TIMD4: variants seen among roughly 807,000 people sequenced by gnomAD.
TIMD4 encodes T cell immunoglobulin and mucin domain containing 4.
Under a neutral mutation model 41.2 loss-of-function variants are expected in TIMD4, and 31 were observed. That is an observed-to-expected ratio of 0.75 (90% confidence interval 0.57 to 1.01). The LOEUF (loss-of-function observed/expected upper bound fraction) is 1.01. Among genes scored for constraint, TIMD4 ranks in the 50% least tolerant of loss-of-function variants. The pLI is 0.00. For missense variants in TIMD4, 479 were observed against 472.5 expected, an observed-to-expected ratio of 1.01 and a Z score of -0.13; for synonymous variants, 204 against 177.1, an observed-to-expected ratio of 1.15 and a Z score of -1.21.
At chr5:156,938,059 A>G (rs1581619138) in intron 5 of TIMD4, among the ~76,000 whole-genome samples, 1 of 152,180 alleles carries the variant, frequency 6.6e-6, no homozygotes, top group East Asian at 1.9e-4. Flanking sequence ...CAACTTTTCC[A>G]TGCCCTTGAT....
chr5:156,925,422 A>C (rs1316824658), intron 6 of TIMD4, among the ~76,000 whole-genome samples: 7 of 152,218 alleles, frequency 4.6e-5, no homozygotes, highest in Non-Finnish European at 7.3e-5. Flanking sequence ...CCATTCTGTA[A>C]CACACAGAAT....
chr5:156,921,451 T>C (rs1202215176), intron 7 of TIMD4, among the ~76,000 whole-genome samples: 3 of 151,264 alleles, frequency 2.0e-5, no homozygotes, highest in Admixed American at 6.6e-5. Flanking sequence ...TGAAACCCCC[T>C]CCTACTAAAC....
At chr5:156,933,393 G>A (rs1759478773) in intron 5 of TIMD4, among the ~76,000 whole-genome samples, 1 of 152,040 alleles carries the variant, frequency 6.6e-6, no homozygotes, top group African/African-American at 2.4e-5. Context: ...ATTCTAGGCT[G>A]CAGTGAGCTA....
At chr5:156,950,098 A>G (rs1759826064) in intron 3 of TIMD4, among the ~76,000 whole-genome samples, 1 of 148,654 alleles carries the variant, frequency 6.7e-6, no homozygotes, top group African/African-American at 2.5e-5. Context: ...GGTTACAGGC[A>G]TGAGCCACCA....
intron 4 of TIMD4, among the ~76,000 whole-genome samples, chr5:156,948,892 T>A (rs1475935310): frequency 6.6e-6 from 1 of 152,236 alleles, no homozygotes; most frequent in African/African-American, 2.4e-5. Context: ...CTTACAGATG[T>A]CTGTTTTCCC....
intron 5 of TIMD4, among the ~76,000 whole-genome samples, chr5:156,945,508 CA>C (rs1316565653): frequency 6.6e-6 from 1 of 152,028 alleles, no homozygotes. Context: ...AAAATTAATG[CA>C]AAAACGCTGA....
intron 5 of TIMD4, among the ~76,000 whole-genome samples, chr5:156,933,219 G>C (rs1759475243): frequency 6.6e-6 from 1 of 151,904 alleles, no homozygotes; most frequent in South Asian, 2.1e-4. Context: ...TTGTTATGAG[G>C]AAAATTAAAA....
intron 6 of TIMD4, among the ~76,000 whole-genome samples, chr5:156,925,273 G>A (rs373194955): frequency 9.2e-5 from 14 of 152,348 alleles, no homozygotes; most frequent in African/African-American, 3.4e-4. Flanking sequence ...TTGCACCACT[G>A]CACTCCAGCC....
At chr5:156,943,657 G>T (rs1176321705) in intron 5 of TIMD4, among the ~76,000 whole-genome samples, 2 of 152,162 alleles carry the variant, frequency 1.3e-5, no homozygotes, top group African/African-American at 4.8e-5. Context: ...TAGTTATGTA[G>T]CTTTTTATGC....
chr5:156,930,975 G>A (rs749760807), intron 5 of TIMD4, among the ~76,000 whole-genome samples: 4 of 152,096 alleles, frequency 2.6e-5, no homozygotes, highest in Non-Finnish European at 5.9e-5. Flanking sequence ...TTATCTGGTG[G>A]GTCTCATGTA....
chr5:156,919,569 T>C (rs2113333151), intron 8 of TIMD4, 28 bp from the exon 9 acceptor site: 1 of 1,584,808 alleles, frequency 6.3e-7, no homozygotes, highest in South Asian at 1.1e-5. Flanking sequence ...GGGCTCATAA[T>C]GGGAAACACA....
chr5:156,919,586 GAAAAC>G, intron 8 of TIMD4, 45 bp from the exon 9 acceptor site: 3 of 1,524,110 alleles, frequency 2.0e-6, no homozygotes, highest in Non-Finnish European at 2.7e-6. Context: ...CACAAGACTA[GAAAAC>G]AAAACAAAAC....
At chr5:156,920,565 T>TG (rs1259616114) in intron 7 of TIMD4, 62 bp from the exon 8 acceptor site, 5 of 1,564,630 alleles carry the variant, frequency 3.2e-6, no homozygotes, top group Non-Finnish European at 4.4e-6. Context: ...TGCAAAATGC[T>TG]GGGGGAATTC....
At chr5:156,938,693 C>A (rs1759584471) in intron 5 of TIMD4, among the ~76,000 whole-genome samples, 1 of 152,154 alleles carries the variant, frequency 6.6e-6, no homozygotes, top group African/African-American at 2.4e-5. Flanking sequence ...TCCTTCTCTA[C>A]CCTGCCTTCC....
Position 156,961,808 on chromosome 5 carries a change from CAAAAAAAAAAAAAAAA to C in TIMD4, c.58+1317_58+1332del, listed in dbSNP as rs71578911. 1.8e-3 allele frequency among the ~76,000 whole-genome samples: 50 copies of C among 27,990 alleles called. 2 individuals are homozygous for C. Among genetic ancestry groups the C allele is most frequent in the Non-Finnish European group, 3.5e-3 (42 of 12,096 alleles). 18.4% of individuals were successfully genotyped at this position (27,990 alleles called of 152,430 possible). ...TAGGCAAAAGAGCGAGACTCCGTCT[CAAAAAAAAAAAAAAAA>C]AAAAAAAAAAAAGAAAGAAAAAAAA... On this transcript the variant is annotated intron_variant, in intron 1 of 8. Coordinates refer to ENST00000274532, the MANE Select transcript of TIMD4 (RefSeq NM_138379.3).
At chr5:156,942,254 G>A (rs970600989) in intron 5 of TIMD4, among the ~76,000 whole-genome samples, 2 of 152,190 alleles carry the variant, frequency 1.3e-5, no homozygotes, top group Non-Finnish European at 2.9e-5. Flanking sequence ...ATGTAAATAA[G>A]GAACCTGCCT....
In TIMD4 at chr5:156,955,528, C is replaced by T. The variant is rs549058830; in HGVS notation, c.59-772G>A. ...AAAATTAGCCGGGCGTGGTGGCAGG[C>T]GCCTATGGTCCCAGCTACTCAGGAG... is the stretch of plus-strand genomic sequence containing the variant. On this transcript the variant is annotated intron_variant, in intron 1 of 8. Transcript: ENST00000274532. Among the ~76,000 whole-genome samples the T allele has an allele frequency of 4.5e-4, 68 of 152,174 alleles. No individual in the cohort carries two copies. The East Asian group carries it at 4.6e-3, about 10-fold the overall frequency.
chr5:156,963,023 G>A (rs1753101979), intron 1 of TIMD4, 118 bp downstream of exon 1: 1 of 967,902 alleles, frequency 1.0e-6, no homozygotes, highest in South Asian at 1.4e-5. Context: ...GGAGAGGGGA[G>A]GGATGCAGAA....
rs145347820 is a variant in TIMD4, at chr5:156,948,447, C to T, written c.813G>A (p.Thr271=). Residue 271 remains threonine, a synonymous_variant, in exon 5 of 9, where the codon ACG becomes ACA. Transcript: ENST00000274532. ...PSTSHVSMWK[T]SDSVSSPQPG... ...GCTGAGGAGAAGACACAGAATCACT[C>T]GTTTTCCACATTGACACGTGGGATG... 923 of 1,552,490 alleles carry T rather than the reference C, an allele frequency of 5.9e-4. 2 individuals are homozygous for T. The highest frequency in any genetic ancestry group is 7.5e-4 in the Non-Finnish European group (867 of 1,148,716).
Sources: allele counts gnomAD v4.1 joint callset (sites outside exome capture counted in the v4.1 genomes callset), GRCh38; gene constraint gnomAD v4.1.1; transcripts MANE v1.5; gene names NCBI Gene and HGNC (gene_info 2026-07-23, HGNC 2026-07-21).